Variants in RSPH3 observed in about 807,000 individuals in gnomAD.
The protein encoded by RSPH3 is radial spoke head protein 3 homolog.
A neutral mutation model predicts 43.8 loss-of-function variants in RSPH3; 21 were observed. That is an observed-to-expected ratio of 0.48 (90% CI 0.34 to 0.69). RSPH3 has a LOEUF of 0.69. RSPH3 is among the 30% of genes least tolerant of loss of function. RSPH3 has a pLI of 0.01. For synonymous variants in RSPH3, 173 were observed against 179.8 expected, an observed-to-expected ratio of 0.96 and a Z score of 0.30; for missense variants, 487 against 516.0, an observed-to-expected ratio of 0.94 and a Z score of 0.54.
downstream of RSPH3, among the ~76,000 whole-genome samples, chr6:158,969,241 G>A (rs1049184282): frequency 2.0e-5 from 3 of 152,150 alleles, no homozygotes; most frequent in African/African-American, 7.2e-5. Flanking sequence ...ATATGGGAAT[G>A]TCTTAATTTC....
In RSPH3 at chr6:158,999,752, A is replaced by G. The variant is rs747218607; in HGVS notation, c.-202T>C. 1 of 1,611,152 alleles carries G rather than the reference A, an allele frequency of 6.2e-7. No homozygotes were observed. Among genetic ancestry groups the G allele is most frequent in the East Asian group, 2.2e-5 (1 of 44,798 alleles). On this transcript the variant is annotated 5_prime_UTR_variant, in exon 1 of 8. Coordinates refer to ENST00000367069, the MANE Select transcript of RSPH3 (RefSeq NM_031924.8). ...GAGCTATACTGGGCTCGCTCCCAGCACCACAGAGACCAGCTGCGGGGGCCG... is the reference window on the plus strand; with the variant it reads ...GAGCTATACTGGGCTCGCTCCCAGCGCCACAGAGACCAGCTGCGGGGGCCG...
intron 2 of RSPH3, chr6:158,990,669 A>T (rs964783145): frequency 6.6e-6 from 1 of 151,684 alleles, no homozygotes; most frequent in African/African-American, 2.4e-5. Context: ...TTAATTTTCA[A>T]AAGTTTGATC....
chr6:158,990,019 C>G (rs560947003), intron 2 of RSPH3, among the ~76,000 whole-genome samples: 6 of 152,132 alleles, frequency 3.9e-5, no homozygotes, highest in African/African-American at 1.4e-4. Flanking sequence ...GCCTAGCCCC[C>G]CAGCCTACAT....
chr6:158,981,421 T>A (rs184416484), intron 5 of RSPH3, among the ~76,000 whole-genome samples: 11 of 152,322 alleles, frequency 7.2e-5, no homozygotes, highest in African/African-American at 2.4e-4. Context: ...AGGTGATGAA[T>A]CCTGTTCTCT....
At chr6:158,966,765 C>A in the RSPH3 span, among the ~76,000 whole-genome samples, 10 of 151,306 alleles carry the variant, frequency 6.6e-5, no homozygotes, top group Admixed American at 1.3e-4. Context: ...CAAAAAAAAA[C>A]CAAATTTGTG....
chr6:158,999,065 C>T (rs144271283), intron 1 of RSPH3, among the ~76,000 whole-genome samples: 339 of 152,328 alleles, frequency 2.2e-3, no homozygotes, highest in Non-Finnish European at 3.7e-3. Context: ...GTTATAAAAT[C>T]AACTTCACAG....
chr6:158,979,340 G>T (rs1777951588), intron 6 of RSPH3, among the ~76,000 whole-genome samples: 1 of 152,014 alleles, frequency 6.6e-6, no homozygotes, highest in South Asian at 2.1e-4. Context: ...GCTTTTAAAT[G>T]ATCTATAACT....
chr6:158,972,550 G>A (rs1387096855), downstream of RSPH3, among the ~76,000 whole-genome samples: 1 of 152,146 alleles, frequency 6.6e-6, no homozygotes, highest in African/African-American at 2.4e-5. Flanking sequence ...TTGGCAGCAA[G>A]TCAACCTTAC....
At position 158,999,531 on chromosome 6, in the gene RSPH3, T is replaced by A. The variant is rs1778778245; in HGVS notation, c.20A>T (p.Asp7Val). The change falls in exon 1 of 8, where the codon GAT becomes GTT. Residue 7 changes from aspartate (D) to valine (V), a missense_variant. Asp to Val is a radical substitution (Grantham distance 152). Transcript: ENST00000367069. ...GGTGCTCGGGGCCCGAGAGGTGCGA[T>A]CAGTCAGCGCTGAGGCCATGTCCGG... MASALT[D>V]RTSRAPSTYT... 1 of 1,546,286 alleles carries A rather than the reference T, an allele frequency of 6.5e-7. No homozygotes were observed. The highest frequency in any genetic ancestry group is 8.8e-7 in the Non-Finnish European group (1 of 1,138,948).
At position 158,973,298 on chromosome 6, in the gene RSPH3, A is replaced by G. The variant is rs1249709835; in HGVS notation, c.*4240T>C. 2 of 152,196 alleles carry G rather than the reference A, an allele frequency of 1.3e-5. No individual in the cohort carries two copies. Among genetic ancestry groups the G allele is most frequent in the East Asian group, 1.9e-4 (1 of 5,198 alleles). 9.4% of individuals were successfully genotyped at this position (152,196 alleles called of 1,614,324 possible). On this transcript the variant is annotated 3_prime_UTR_variant, in exon 8 of 8. Transcript: ENST00000367069. ...ATAGCAGGTAAAGCATAGAAAAAAA[A>G]TCTAGCTGATATAGTTGTTATGTTT...
At chr6:158,984,211 G>A (rs1778136273) in intron 3 of RSPH3, among the ~76,000 whole-genome samples, 1 of 151,788 alleles carries the variant, frequency 6.6e-6, no homozygotes, top group Non-Finnish European at 1.5e-5. Flanking sequence ...ATATTTAAAT[G>A]AATCAGAAAA....
intron 1 of RSPH3, among the ~76,000 whole-genome samples, chr6:158,994,947 C>T (rs1041604985): frequency 1.6e-4 from 25 of 151,964 alleles, no homozygotes; most frequent in African/African-American, 5.8e-4. Flanking sequence ...GCCCAGCTGG[C>T]CACTCCTTCA....
chr6:158,994,268 T>A (rs1266504612), intron 1 of RSPH3, among the ~76,000 whole-genome samples: 1 of 152,204 alleles, frequency 6.6e-6, no homozygotes, highest in Non-Finnish European at 1.5e-5. Flanking sequence ...TGTATGACTT[T>A]AGGAAATATG....
chr6:158,986,730 A>C (rs1422656945), intron 2 of RSPH3, among the ~76,000 whole-genome samples: 2 of 152,232 alleles, frequency 1.3e-5, no homozygotes, highest in Non-Finnish European at 2.9e-5. Context: ...CTGATCATTC[A>C]GGAACATGCT....
At chr6:158,990,106 C>T (rs1778357775) in intron 2 of RSPH3, among the ~76,000 whole-genome samples, 1 of 152,158 alleles carries the variant, frequency 6.6e-6, no homozygotes, top group African/African-American at 2.4e-5. Flanking sequence ...TGGACTGGCT[C>T]TCCTTGCTCC....
intron 2 of RSPH3, among the ~76,000 whole-genome samples, chr6:158,988,796 C>T (rs1438782316): frequency 1.3e-5 from 2 of 152,220 alleles, no homozygotes; most frequent in South Asian, 2.1e-4. Context: ...AATTGCTTTT[C>T]TGTGTTATCT....
intron 2 of RSPH3, among the ~76,000 whole-genome samples, chr6:158,992,936 G>A (rs1431295152): frequency 6.6e-6 from 1 of 152,152 alleles, no homozygotes; most frequent in Non-Finnish European, 1.5e-5. Context: ...AATGATAATT[G>A]TATTAGAGTA....
At chr6:158,992,369 T>C (rs1465658223) in intron 2 of RSPH3, among the ~76,000 whole-genome samples, 1 of 151,902 alleles carries the variant, frequency 6.6e-6, no homozygotes, top group African/African-American at 2.4e-5. Flanking sequence ...AGCCTTGTCC[T>C]CCTGGGCTCA....
At chr6:158,992,280 T>G (rs1344676248) in intron 2 of RSPH3, among the ~76,000 whole-genome samples, 1 of 152,022 alleles carries the variant, frequency 6.6e-6, no homozygotes, top group Non-Finnish European at 1.5e-5. Context: ...CTAGGTTGTA[T>G]TTTTGTTTTT....
Sources: gnomAD v4.1 joint callset for allele counts (sites outside exome capture counted in the v4.1 genomes callset) on GRCh38, gnomAD v4.1.1 for gene constraint, MANE v1.5 for transcripts, NCBI Gene and HGNC (gene_info 2026-07-23, HGNC 2026-07-21) for gene names.